Variants in PSD4 observed in about 807,000 individuals in gnomAD.
PSD4 encodes pleckstrin and Sec7 domain containing 4.
In PSD4, 59 loss-of-function variants were observed where a neutral mutation model predicts 112.5. The ratio of observed to expected loss-of-function variants is 0.52; its 90% CI spans 0.43 to 0.65. The LOEUF is 0.65. Ranked by LOEUF, PSD4 falls within the 30% of genes least tolerant of loss-of-function variation. PSD4 has a pLI of 0.00. For synonymous variants in PSD4, 533 were observed against 540.0 expected (o/e 0.99, Z 0.18); for missense variants, 1,267 against 1,352.6 (o/e 0.94, Z 0.99).
At position 113,198,943 on chromosome 2, in the gene PSD4, CA is replaced by C. The variant is rs1558658623; in HGVS notation, c.2769+60del. The C allele has an allele frequency of 3.3e-6, 5 of 1,536,326 alleles. No homozygotes were observed. In the South Asian group the frequency reaches 5.9e-5, roughly 18 times the overall value. On this transcript the variant is annotated intron_variant, in intron 15 of 16. Transcript: ENST00000245796. ...AACTGGGAATGTGCACCTGGAGCCC[CA>C]GGACTAACTCGGGGAGGCTGGAGGC...
At chr2:113,196,052 G>A (rs1688599612) in intron 11 of PSD4, 95 bp from the exon 12 acceptor site, 7 of 1,471,302 alleles carry the variant, frequency 4.8e-6, no homozygotes, top group Non-Finnish European at 5.6e-6. Flanking sequence ...TGGCTTCCCA[G>A]GAAAAGAGAG....
intron 5 of PSD4, 46 bp from the exon 6 acceptor site, chr2:113,192,334 A>C: frequency 6.3e-7 from 1 of 1,581,790 alleles, no homozygotes; most frequent in Non-Finnish European, 8.7e-7. Context: ...GCCACAACTG[A>C]CCTGCAAGAA....
At chr2:113,201,014 ACACT>A (rs1293003587) in intron 16 of PSD4, 140 bp from the exon 17 acceptor site, 6 of 1,006,170 alleles carry the variant, frequency 6.0e-6, no homozygotes, top group East Asian at 2.4e-5. Flanking sequence ...CATTATACTG[ACACT>A]CACGGTTGGT....
intron 12 of PSD4, chr2:113,197,152 C>G (rs1688635926): frequency 3.5e-6 from 1 of 288,578 alleles, no homozygotes; most frequent in Non-Finnish European, 6.8e-6. Flanking sequence ...AAGCTGGGCT[C>G]TGCGCCCTTG....
chr2:113,199,048 C>T (rs1302069310), intron 15 of PSD4, 35 bp from the exon 16 acceptor site: 1 of 1,516,740 alleles, frequency 6.6e-7, no homozygotes, highest in Non-Finnish European at 8.8e-7. Context: ...GAGGGGACGC[C>T]CGGGACAGCG....
rs1688867127 is a variant in PSD4 at position 113,206,624 on chromosome 2, T to G, written c.*5209T>G. On this transcript the variant is annotated 3_prime_UTR_variant, in exon 17 of 17. Coordinates refer to ENST00000245796, the MANE Select transcript of PSD4 (RefSeq NM_012455.3). ...CTCTATAAAATGGGGATAATAACACTACTTATGTCACAAGGTCCTCATGAA... is the reference window on the plus strand; with the variant it reads ...CTCTATAAAATGGGGATAATAACACGACTTATGTCACAAGGTCCTCATGAA... 1 of 152,260 alleles carries G rather than the reference T, an allele frequency of 6.6e-6. No individual in the cohort carries two copies. Among genetic ancestry groups the G allele is most frequent in the South Asian group, 2.1e-4 (1 of 4,836 alleles). The allele number at this position is 152,260 out of a possible 1,614,324, so 9.4% of individuals were successfully genotyped here. A position where few individuals can be genotyped will look rare whatever the true frequency, so the allele number is the denominator to read the frequency against.
rs1026637968 is a variant in PSD4, at chr2:113,204,121, T to C, written c.*2706T>C. On this transcript the variant is annotated 3_prime_UTR_variant, in exon 17 of 17. Coordinates refer to ENST00000245796, the MANE Select transcript of PSD4 (RefSeq NM_012455.3). ...GGCAGGCTTGCATCTTTCTAGCTTC[T>C]GGCTGCTCAGGTGTCCTGCTGTGGA... The C allele has an allele frequency of 1.3e-5, 2 of 152,366 alleles. No individual in the cohort carries two copies. The highest frequency in any genetic ancestry group is 4.8e-5 in the African/African-American group (2 of 41,460). 9.4% of individuals were successfully genotyped at this position (152,366 alleles called of 1,614,324 possible).
intron 5 of PSD4, among the ~76,000 whole-genome samples, chr2:113,188,544 C>T (rs556274510): frequency 2.0e-5 from 3 of 152,218 alleles, no homozygotes; most frequent in African/African-American, 7.2e-5. Context: ...AGGCCTGAGC[C>T]GCTGTGCCTG....
intron 12 of PSD4, chr2:113,197,350 C>T: frequency 6.5e-6 from 4 of 611,844 alleles, no homozygotes; most frequent in Non-Finnish European, 1.2e-5. Context: ...GGTTTTGTTT[C>T]CAGCGGGCAT....
chr2:113,200,326 A>T (rs1277960434), intron 16 of PSD4, among the ~76,000 whole-genome samples: 1 of 152,156 alleles, frequency 6.6e-6, no homozygotes, highest in African/African-American at 2.4e-5. Flanking sequence ...AGGGTAGGTG[A>T]ATGCAATGTG....
intron 1 of PSD4, among the ~76,000 whole-genome samples, chr2:113,178,778 G>T (rs779254670): frequency 2.6e-5 from 4 of 152,092 alleles, no homozygotes; most frequent in Non-Finnish European, 5.9e-5. Context: ...CATGAGGCTG[G>T]CACTCATTCA....
At chr2:113,184,834 G>T in intron 2 of PSD4, 123 bp from the exon 3 acceptor site, 1 of 1,385,180 alleles carries the variant, frequency 7.2e-7, no homozygotes. Flanking sequence ...ACCTGAGGCA[G>T]GGCCATCAGG....
intron 1 of PSD4, among the ~76,000 whole-genome samples, chr2:113,180,201 C>G (rs1231400426): frequency 6.6e-6 from 1 of 152,194 alleles, no homozygotes. Flanking sequence ...GAGTGTCTAA[C>G]AGTGGGCCAA....
chr2:113,183,506 G>C lies in PSD4; in HGVS notation c.1050G>C (p.Glu350Asp). The C allele has an allele frequency of 1.3e-6, 2 of 1,572,532 alleles. No individual in the cohort carries two copies. Reference sequence around the variant, plus strand: ...CTGCAGCACCTCCTGGTCACGGGGAGAGTGAGGTAAGCCCAGTCTTGGGAA... The same window carrying C: ...CTGCAGCACCTCCTGGTCACGGGGACAGTGAGGTAAGCCCAGTCTTGGGAA... ...GAPAAPPGHG[E>D]SEGDRLGPAP... Residue 350 changes from glutamate (E) to aspartate (D), a missense_variant, in exon 2 of 17, where the codon GAG becomes GAC. Transcript: ENST00000245796.
chr2:113,196,386 G>A lies in PSD4; in HGVS notation c.2386+79G>A, dbSNP rs1235997267. The stretch of plus-strand genomic sequence containing the variant: ...GGGACCTGTGCCGATGCATGCACAG[G>A]TGTGCAGAGAGACAGCCCGCGTTGA... On this transcript the variant is annotated intron_variant, in intron 12 of 16. Coordinates refer to ENST00000245796, the MANE Select transcript of PSD4 (RefSeq NM_012455.3). 9 of 1,480,650 alleles carry A rather than the reference G, an allele frequency of 6.1e-6. No individual in the cohort carries two copies. In the South Asian group the frequency reaches 6.4e-5, roughly 10 times the overall value. The allele number at this position is 1,480,650 out of a possible 1,614,324, so 91.7% of individuals were successfully genotyped here. A position where few individuals can be genotyped will look rare whatever the true frequency, so the allele number is the denominator to read the frequency against.
At chr2:113,181,251 G>GCC (rs922845495) in intron 1 of PSD4, among the ~76,000 whole-genome samples, 5 of 149,600 alleles carry the variant, frequency 3.3e-5, no homozygotes, top group African/African-American at 1.2e-4. Context: ...AAAGACAGCT[G>GCC]CCAGGGGAGT....
At chr2:113,193,235 T>C in intron 7 of PSD4, 23 bp from the exon 8 acceptor site, 1 of 1,585,658 alleles carries the variant, frequency 6.3e-7, no homozygotes, top group Non-Finnish European at 8.6e-7. Context: ...GGCTCTCTCC[T>C]TGACCCTGGC....
intron 2 of PSD4, 141 bp from the exon 3 acceptor site, chr2:113,184,816 C>T (rs1558888559): frequency 8.1e-7 from 1 of 1,241,680 alleles, no homozygotes; most frequent in Non-Finnish European, 1.1e-6. Context: ...CCTCCTTGGG[C>T]TGGCACCACC....
At chr2:113,191,384 T>C (rs1480417820) in intron 5 of PSD4, among the ~76,000 whole-genome samples, 1 of 152,212 alleles carries the variant, frequency 6.6e-6, no homozygotes, top group East Asian at 1.9e-4. Flanking sequence ...CAAGTGATTC[T>C]CCTGCCTTAG....
Sources: gnomAD v4.1 joint callset for allele counts (sites outside exome capture counted in the v4.1 genomes callset) on GRCh38, gnomAD v4.1.1 for gene constraint, MANE v1.5 for transcripts, NCBI Gene and HGNC (gene_info 2026-07-23, HGNC 2026-07-21) for gene names.